COL5A1: variants seen among roughly 807,000 people sequenced by gnomAD.
The protein encoded by COL5A1 is collagen alpha-1(V) chain.
A neutral mutation model predicts 263.7 loss-of-function variants in COL5A1; 16 were observed. The ratio of observed to expected loss-of-function variants is 0.06; its 90% confidence interval spans 0.04 to 0.09. The LOEUF (loss-of-function observed/expected upper bound fraction) is 0.09, where lower values mean the gene tolerates loss of function less well. Ranked by LOEUF, COL5A1 falls within the 10% of genes least tolerant of loss-of-function variation. COL5A1 has a pLI of 1.00. For synonymous variants in COL5A1, 1,012 were observed against 1,004.5 expected (o/e 1.01, Z -0.14); for missense variants, 2,036 against 2,540.5 (o/e 0.80, Z 4.27).
intron 9 of COL5A1, among the ~76,000 whole-genome samples, chr9:134,733,198 T>C (rs1316708059): frequency 6.6e-6 from 1 of 152,192 alleles, no homozygotes; most frequent in East Asian, 1.9e-4. Flanking sequence ...TCCCAGAATG[T>C]GCAGTCACAG....
chr9:134,780,847 A>T (rs1837224086), intron 28 of COL5A1, among the ~76,000 whole-genome samples: 1 of 152,170 alleles, frequency 6.6e-6, no homozygotes, highest in Admixed American at 6.5e-5. Flanking sequence ...TATGACACAG[A>T]TTTAGGCCTC....
chr9:134,792,745 G>C (rs563874544), intron 32 of COL5A1, among the ~76,000 whole-genome samples: 3 of 150,968 alleles, frequency 2.0e-5, no homozygotes, highest in African/African-American at 7.4e-5. Flanking sequence ...CTGAGTGTCC[G>C]CATGCATGCG....
chr9:134,698,699 G>C (rs1212361531), intron 2 of COL5A1, among the ~76,000 whole-genome samples: 1 of 152,262 alleles, frequency 6.6e-6, no homozygotes, highest in Non-Finnish European at 1.5e-5. Context: ...TTCGCCAGCA[G>C]AGGGTGCTCA....
In COL5A1 at chr9:134,789,082, C is replaced by A; in HGVS notation, c.2647-73C>A. On this transcript the variant is annotated intron_variant, in intron 31 of 65. Transcript: ENST00000371817. This position sits in a 1 kb window ranked among gnomAD's most constrained non-coding sequence, Gnocchi z 4.8. ...GGCTGTGCACTGGCATGCAGGTGGT[C>A]CCCCAGGCGGCCCATGCAGCATGAC... 7.3e-7 allele frequency: 1 copy of A among 1,366,294 alleles called. No homozygotes were observed. Among genetic ancestry groups the A allele is most frequent in the Non-Finnish European group, 1.0e-6 (1 of 961,984 alleles). 84.6% of individuals were successfully genotyped at this position (1,366,294 alleles called of 1,614,324 possible).
intron 64 of COL5A1, among the ~76,000 whole-genome samples, chr9:134,831,296 T>C (rs533716515): frequency 6.6e-6 from 1 of 152,342 alleles, no homozygotes; most frequent in African/African-American, 2.4e-5. Context: ...TTTGAAATCA[T>C]ATACCAGCTC....
chr9:134,824,106 A>G (rs1439716890), intron 61 of COL5A1, among the ~76,000 whole-genome samples: 1 of 152,148 alleles, frequency 6.6e-6, no homozygotes. Flanking sequence ...TGGCGAGTGC[A>G]CTATTGGACA....
At chr9:134,695,952 T>C (rs968780651) in intron 2 of COL5A1, among the ~76,000 whole-genome samples, 8 of 152,134 alleles carry the variant, frequency 5.3e-5, no homozygotes, top group African/African-American at 1.9e-4. Context: ...AAATTCCTTC[T>C]GCAGGGCTGC....
chr9:134,789,611 C>T lies in COL5A1; in HGVS notation c.2700+403C>T, dbSNP rs1055812216. Among the ~76,000 whole-genome samples the T allele has an allele frequency of 2.8e-4, 42 of 152,306 alleles. No individual in the cohort carries two copies. Among genetic ancestry groups the T allele is most frequent in the African/African-American group, 8.7e-4 (36 of 41,552 alleles). ...CCTTCAAAAATGTCCTGCTACTTAA[C>T]CGTCGTCCAAATTTAAAGTCATTTA... On this transcript the variant is annotated intron_variant, in intron 32 of 65. Transcript: ENST00000371817. This position sits in a 1 kb window ranked among gnomAD's most constrained non-coding sequence, Gnocchi z 4.8.
In COL5A1 at chr9:134,781,298, G is replaced by A. The variant is rs369173360; in HGVS notation, c.2430+1152G>A. 3.2e-3 allele frequency among the ~76,000 whole-genome samples: 490 copies of A among 152,354 alleles called. 4 individuals carry two copies. Among genetic ancestry groups the A allele is most frequent in the African/African-American group, 0.011 (478 of 41,580 alleles). On this transcript the variant is annotated intron_variant, in intron 28 of 65. Coordinates refer to ENST00000371817, the MANE Select transcript of COL5A1 (RefSeq NM_000093.5). ...AGGAGGCCTGAGCCTGTGCCATCTC[G>A]GCTCCTTCCCAAGGGCATCCGCACA...
Position 134,641,999 on chromosome 9 carries a change from C to A in COL5A1, c.-189C>A. The A allele has an allele frequency of 2.1e-6, 1 of 482,978 alleles. No individual in the cohort carries two copies. Among genetic ancestry groups the A allele is most frequent in the Non-Finnish European group, 3.3e-6 (1 of 304,592 alleles). 29.9% of individuals were successfully genotyped at this position (482,978 alleles called of 1,614,324 possible). A position where few individuals can be genotyped will look rare whatever the true frequency, so the allele number is the denominator to read the frequency against. On this transcript the variant is annotated 5_prime_UTR_variant, in exon 1 of 66. Transcript: ENST00000371817. ...AAAGTCGAGCCCTCCCGCCCGTGGGCGAGCGCGCCAGCCGCCCCTTCCAGA... is the reference window on the plus strand; with the variant it reads ...AAAGTCGAGCCCTCCCGCCCGTGGGAGAGCGCGCCAGCCGCCCCTTCCAGA...
chr9:134,684,319 G>GC (rs1277343145), intron 1 of COL5A1, among the ~76,000 whole-genome samples: 1 of 152,162 alleles, frequency 6.6e-6, no homozygotes, highest in Non-Finnish European at 1.5e-5. Context: ...ATGTCCAGCA[G>GC]CCCCCCAGGT....
chr9:134,739,218 T>G (rs575789380), intron 11 of COL5A1, among the ~76,000 whole-genome samples: 1 of 152,350 alleles, frequency 6.6e-6, no homozygotes, highest in East Asian at 1.9e-4. Flanking sequence ...GGGTTGCACC[T>G]GGCTCACAGG....
chr9:134,701,147 T>C (rs1179556542), intron 3 of COL5A1, 24 bp from the exon 4 acceptor site: 1 of 1,613,394 alleles, frequency 6.2e-7, no homozygotes, highest in South Asian at 1.1e-5. Context: ...CCAAGCCCTG[T>C]CTTCACCATC....
intron 9 of COL5A1, among the ~76,000 whole-genome samples, chr9:134,737,155 C>G (rs1366121132): frequency 6.6e-6 from 1 of 152,250 alleles, no homozygotes; most frequent in Non-Finnish European, 1.5e-5. Context: ...GCCCCTGTGG[C>G]TGGTTTCTGC....
intron 11 of COL5A1, among the ~76,000 whole-genome samples, chr9:134,745,968 T>C (rs1237695830): frequency 6.6e-6 from 1 of 152,006 alleles, no homozygotes; most frequent in African/African-American, 2.4e-5. Context: ...TGTCACTGCC[T>C]CCCCTCCTCT....
At position 134,819,007 on chromosome 9, in the gene COL5A1, C is replaced by T. The variant is rs1351703966; in HGVS notation, c.4400C>T (p.Pro1467Leu). ...CCCTGCCTCCTCCCACAGGGTCCCC[C>T]AGGACTTCCCGGCCTCAAAGGAGAT... is the stretch of plus-strand genomic sequence containing the variant. The part of the protein sequence containing the change: ...PDGPPGPMGP[P>L]GLPGLKGDSG... The change falls in exon 57 of 66, where the codon CCA becomes CTA. Residue 1467 changes from proline (P) to leucine (L), a missense_variant. By Grantham distance (98) the Pro-to-Leu change is moderately conservative. Coordinates refer to ENST00000371817, the MANE Select transcript of COL5A1 (RefSeq NM_000093.5). 2.5e-6 allele frequency: 4 copies of T among 1,613,456 alleles called. No homozygotes were observed. The highest frequency in any genetic ancestry group is 1.6e-4 in the Middle Eastern group (1 of 6,062).
rs2132690955 is a variant in COL5A1 at position 134,754,352 on chromosome 9, T to C, written c.1827+26T>C. On this transcript the variant is annotated intron_variant, in intron 16 of 65. Transcript: ENST00000371817. The surrounding 1 kb of genome is among the most constrained non-coding windows in gnomAD (Gnocchi z 4.3). The stretch of plus-strand genomic sequence containing the variant: ...GTGAGTGGTGCGAGTGTGTGTGGTT[T>C]AGTGACAGCAGCTTGGGCGCTGGAG... 6.2e-7 allele frequency: 1 copy of C among 1,613,884 alleles called. No individual in the cohort carries two copies. Among genetic ancestry groups the C allele is most frequent in the Non-Finnish European group, 8.5e-7 (1 of 1,179,980 alleles).
intron 30 of COL5A1, 128 bp downstream of exon 30, chr9:134,785,224 T>C (rs1409041770): frequency 1.0e-5 from 7 of 678,924 alleles, no homozygotes. Context: ...AGCGGGCTCC[T>C]GTCTCCACCC....
intron 18 of COL5A1, 100 bp from the exon 19 acceptor site, chr9:134,761,825 G>A (rs1403170603): frequency 1.7e-6 from 2 of 1,181,512 alleles, no homozygotes; most frequent in South Asian, 1.2e-5. Flanking sequence ...GAGAGCTTGG[G>A]AATCTTACTG....
Sources: gnomAD v4.1 joint callset for allele counts (sites outside exome capture counted in the v4.1 genomes callset) on GRCh38, gnomAD v4.1.1 for gene constraint, Gnocchi (gnomAD v3.1) non-coding constraint, MANE v1.5 for transcripts, NCBI Gene and HGNC (gene_info 2026-07-23, HGNC 2026-07-21) for gene names.